Variants in SFMBT2 observed in about 807,000 individuals in gnomAD.
SFMBT2 encodes scm-like with four MBT domains protein 2.
A neutral mutation model predicts 110.1 loss-of-function variants in SFMBT2; 38 were observed. The observed-to-expected ratio is 0.35, with a 90% CI of 0.27 to 0.45. SFMBT2 has a LOEUF of 0.45. Among genes scored for constraint, SFMBT2 ranks in the 20% least tolerant of loss-of-function variants. The pLI, the probability that SFMBT2 is intolerant of heterozygous loss-of-function variation, is 1.00. For missense variants in SFMBT2, 1,011 were observed against 1,094.9 expected, an observed-to-expected ratio of 0.92 and a Z score of 1.08; for synonymous variants, 425 against 425.4, an observed-to-expected ratio of 1.00 and a Z score of 0.01.
chr10:7,278,658 T>C (rs552866356), intron 6 of SFMBT2, among the ~76,000 whole-genome samples: 78 of 152,122 alleles, frequency 5.1e-4, no homozygotes, highest in Admixed American at 4.8e-3. Context: ...AAGAAAGAAT[T>C]TGAAGACCCA....
chr10:7,400,602 C>T (rs1372346034), intron 1 of SFMBT2, among the ~76,000 whole-genome samples: 1 of 152,274 alleles, frequency 6.6e-6, no homozygotes, highest in African/African-American at 2.4e-5. Flanking sequence ...GGATTAGCTC[C>T]TCCAGGCCGT....
intron 4 of SFMBT2, among the ~76,000 whole-genome samples, chr10:7,344,833 C>A (rs1281550547): frequency 6.6e-6 from 1 of 151,210 alleles, no homozygotes; most frequent in Non-Finnish European, 1.5e-5. Flanking sequence ...GTGGCGGGTG[C>A]CTGTAGTCCC....
intron 4 of SFMBT2, among the ~76,000 whole-genome samples, chr10:7,316,082 T>C (rs1843002960): frequency 6.6e-6 from 1 of 152,222 alleles, no homozygotes; most frequent in African/African-American, 2.4e-5. Flanking sequence ...AAGACCATGC[T>C]GAGAACAGAT....
chr10:7,194,078 G>A (rs933158718), intron 15 of SFMBT2, among the ~76,000 whole-genome samples: 3 of 152,164 alleles, frequency 2.0e-5, no homozygotes, highest in Non-Finnish European at 2.9e-5. Context: ...TGGGCATCCT[G>A]TAAAAGGCCC....
At position 7,220,537 on chromosome 10, in the gene SFMBT2, T is replaced by A; in HGVS notation, c.1204A>T (p.Thr402Ser). 6.2e-7 allele frequency: 1 copy of A among 1,613,952 alleles called. No individual in the cohort carries two copies. Among genetic ancestry groups the A allele is most frequent in the Non-Finnish European group, 8.5e-7 (1 of 1,179,950 alleles). ...TTTGTGAAACCTCGACTGAATGATG[T>A]CTGCAAGAGAAACGAGACCAACACT... ...QEAPPFCFRN[T>S]SFSRGFTKNM... The change falls in exon 11 of 21, where the codon ACA (threonine) becomes TCA (serine). Residue 402 changes from threonine (T) to serine (S), a missense_variant and splice_region_variant. Thr to Ser is a moderately conservative substitution (Grantham distance 58). Around this residue, in one of 2 missense-constraint regions of SFMBT2, gnomAD observed 979 missense variants for 1,016.1 expected, o/e 0.96. Coordinates refer to ENST00000397167, the MANE Select transcript of SFMBT2 (RefSeq NM_001387889.1).
rs1845029481 is a variant in SFMBT2 at position 7,370,395 on chromosome 10, C to T, written c.101-20G>A. 1.3e-6 allele frequency: 2 copies of T among 1,599,600 alleles called. No homozygotes were observed. The highest frequency in any genetic ancestry group is 1.7e-6 in the Non-Finnish European group (2 of 1,166,994). ...CTTCTTCTGTTGAAAAACAAAAGAA[C>T]AGAATATCAATACTGGAGTGGAGGA... On this transcript the variant is annotated intron_variant, in intron 2 of 20. Coordinates refer to ENST00000397167, the MANE Select transcript of SFMBT2 (RefSeq NM_001387889.1).
At chr10:7,391,961 G>A (rs2244854) in intron 1 of SFMBT2, among the ~76,000 whole-genome samples, 3,733 of 152,114 alleles carry the variant, frequency 0.025, 150 homozygotes, top group African/African-American at 0.085. Context: ...CTCTGCTGCC[G>A]CCCATTAAAG....
chr10:7,294,629 T>C lies in SFMBT2; in HGVS notation c.437-8675A>G, dbSNP rs911016688. Among the ~76,000 whole-genome samples, 3 of 152,174 alleles carry C rather than the reference T, an allele frequency of 2.0e-5. No individual in the cohort carries two copies. In the East Asian group the frequency reaches 5.8e-4, roughly 29 times the overall value. On this transcript the variant is annotated intron_variant, in intron 4 of 20. Transcript: ENST00000397167. Reference sequence around the variant, plus strand: ...GTTAATTTTTGTAACACTGTTACTCTAAAATTAATTCTGATGGTTAATTTT... The same window carrying C: ...GTTAATTTTTGTAACACTGTTACTCCAAAATTAATTCTGATGGTTAATTTT...
intron 3 of SFMBT2, among the ~76,000 whole-genome samples, chr10:7,368,686 T>G (rs1390185420): frequency 6.6e-6 from 1 of 152,202 alleles, no homozygotes; most frequent in Non-Finnish European, 1.5e-5. Context: ...ATTGATAACT[T>G]CTCAGTACAG....
In SFMBT2 at chr10:7,243,667, G is replaced by A; in HGVS notation, c.1011C>T (p.Asp337=). ...ACAGTTTACTTGGTTCAGGTCTTAG[G>A]TCATCAATAGTCACTTGAAAAAAGT... ...NNHFFQVTID[D]LRPEPSKLSM... Residue 337 remains aspartate, a synonymous_variant, in exon 9 of 21, where the codon GAC becomes GAT. Transcript: ENST00000397167. The A allele has an allele frequency of 1.1e-6, 1 of 872,594 alleles. No individual in the cohort carries two copies. The highest frequency in any genetic ancestry group is 2.0e-6 in the Non-Finnish European group (1 of 501,622). The allele number at this position is 872,594 out of a possible 1,614,324, so 54.1% of individuals were successfully genotyped here.
At chr10:7,208,643 G>A (rs985692202) in intron 11 of SFMBT2, among the ~76,000 whole-genome samples, 3 of 149,110 alleles carry the variant, frequency 2.0e-5, no homozygotes, top group Non-Finnish European at 4.4e-5. Flanking sequence ...CCAAGATCAC[G>A]CCACTGCGCT....
intron 7 of SFMBT2, among the ~76,000 whole-genome samples, chr10:7,273,809 G>C (rs1168258671): frequency 6.6e-6 from 1 of 152,166 alleles, no homozygotes; most frequent in African/African-American, 2.4e-5. Context: ...GGAGAGATAG[G>C]AACACTTTTA....
chr10:7,219,870 G>T, intron 11 of SFMBT2: 1 of 183,764 alleles, frequency 5.4e-6, no homozygotes, highest in Non-Finnish European at 1.0e-5. Context: ...AGCATTCTGT[G>T]AATTTTCTTG....
chr10:7,336,369 T>C (rs1473550585), intron 4 of SFMBT2, among the ~76,000 whole-genome samples: 2 of 152,212 alleles, frequency 1.3e-5, no homozygotes, highest in Non-Finnish European at 2.9e-5. Flanking sequence ...TCATGGGTCT[T>C]CATGGCAGAG....
intron 4 of SFMBT2, among the ~76,000 whole-genome samples, chr10:7,317,061 C>T (rs776817516): frequency 2.0e-5 from 3 of 152,090 alleles, no homozygotes; most frequent in Admixed American, 6.5e-5. Flanking sequence ...TGGTCGTGTC[C>T]CCCTCATCAG....
At chr10:7,226,097 C>T (rs17142578) in intron 10 of SFMBT2, among the ~76,000 whole-genome samples, 2,471 of 152,328 alleles carry the variant, frequency 0.016, 33 homozygotes, top group Admixed American at 0.021. Flanking sequence ...CGACATCATT[C>T]GGTGGCAATC....
chr10:7,351,833 C>T (rs1397169966), intron 4 of SFMBT2, among the ~76,000 whole-genome samples: 5 of 151,302 alleles, frequency 3.3e-5, no homozygotes, highest in Admixed American at 1.3e-4. Context: ...TCCACTCATA[C>T]GGCCCTTTGT....
At chr10:7,224,195 G>T (rs1035390191) in intron 10 of SFMBT2, among the ~76,000 whole-genome samples, 2 of 152,134 alleles carry the variant, frequency 1.3e-5, no homozygotes, top group African/African-American at 2.4e-5. Context: ...TACCAAAAGT[G>T]TCAACTTTTC....
At chr10:7,195,516 T>C (rs570014112) in intron 15 of SFMBT2, among the ~76,000 whole-genome samples, 22 of 152,336 alleles carry the variant, frequency 1.4e-4, no homozygotes, top group Non-Finnish European at 2.6e-4. Context: ...TGCTGCTAAA[T>C]GAAGATGTGT....
Sources: gnomAD v4.1 joint callset for allele counts (sites outside exome capture counted in the v4.1 genomes callset) on GRCh38, gnomAD v4.1.1 for gene constraint, gnomAD v4.1.1 regional missense constraint, MANE v1.5 for transcripts, NCBI Gene and HGNC (gene_info 2026-07-23, HGNC 2026-07-21) for gene names.